Variants in MOCOS observed in about 807,000 individuals in gnomAD.
The protein encoded by MOCOS is molybdenum cofactor sulfurase, also known as human molybdenum cofactor sulfurase.
Under a neutral mutation model 83.6 loss-of-function variants are expected in MOCOS, and 86 were observed. The observed-to-expected ratio is 1.03, with a 90% CI of 0.86 to 1.23. The LOEUF (loss-of-function observed/expected upper bound fraction) is 1.23. Among genes scored for constraint, MOCOS ranks in the 50% most tolerant of loss-of-function variants. The pLI, the probability that MOCOS is intolerant of heterozygous loss-of-function variation, is 0.00. For missense variants in MOCOS, 1,120 were observed against 1,126.9 expected (o/e 0.99, Z 0.09); for synonymous variants, 445 against 434.7 (o/e 1.02, Z -0.29).
At chr18:36,236,298 T>C (rs2091558699) in intron 9 of MOCOS, among the ~76,000 whole-genome samples, 1 of 60,530 alleles carries the variant, frequency 1.7e-5, no homozygotes, top group Non-Finnish European at 3.1e-5. Context: ...CATCTTGAAT[T>C]GATTTTTGTA....
At chr18:36,264,470 A>C (rs953011182) in intron 13 of MOCOS, among the ~76,000 whole-genome samples, 1 of 152,162 alleles carries the variant, frequency 6.6e-6, no homozygotes, top group Non-Finnish European at 1.5e-5. Flanking sequence ...GTGGCGTTAC[A>C]AAAGCCTCGT....
intron 9 of MOCOS, among the ~76,000 whole-genome samples, chr18:36,232,332 A>G (rs1431415264): frequency 6.6e-6 from 1 of 152,136 alleles, no homozygotes; most frequent in East Asian, 1.9e-4. Context: ...TTCCTTTTTA[A>G]TTTTGAACAG....
rs2091414798 is a variant in MOCOS at position 36,201,579 on chromosome 18, T to C, written c.941+1255T>C. Among the ~76,000 whole-genome samples, 3 of 141,834 alleles carry C rather than the reference T, an allele frequency of 2.1e-5. No homozygotes were observed. In the South Asian group the frequency reaches 6.8e-4, roughly 32 times the overall value. The allele number at this position is 141,834 out of a possible 152,430, so 93.0% of individuals were successfully genotyped here. ...CAAGAGATTGAGGCAGGAGAATTGC[T>C]TGAGCCCAGGAGGCAGACGTTGCAA... On this transcript the variant is annotated intron_variant, in intron 4 of 14. Coordinates refer to ENST00000261326, the MANE Select transcript of MOCOS (RefSeq NM_017947.4).
chr18:36,191,033 A>AG (rs1568046522), intron 1 of MOCOS, among the ~76,000 whole-genome samples: 1 of 124,402 alleles, frequency 8.0e-6, no homozygotes, highest in Non-Finnish European at 1.6e-5. Context: ...AAAAAAAAAG[A>AG]AAAAGAAAAA....
chr18:36,208,060 C>G (rs1247964408), intron 6 of MOCOS, among the ~76,000 whole-genome samples: 1 of 152,080 alleles, frequency 6.6e-6, no homozygotes, highest in Non-Finnish European at 1.5e-5. Context: ...AGTCTTTTCC[C>G]CATTGCTTGT....
At chr18:36,261,994 C>T (rs2091664923) in intron 13 of MOCOS, among the ~76,000 whole-genome samples, 1 of 152,064 alleles carries the variant, frequency 6.6e-6, no homozygotes, top group Non-Finnish European at 1.5e-5. Flanking sequence ...GCACCTGTGC[C>T]TCTCCAGGTA....
chr18:36,187,560 G>C lies in MOCOS; in HGVS notation c.21G>C (p.Glu7Asp), dbSNP rs1004209566. ...GGGCCATGGCCGGCGCGGCGGCGGA[G>C]TCAGGGCGGGAGCTGTGGACCTTCG... MAGAAA[E>D]SGRELWTFAG... The change falls in exon 1 of 15, where the codon GAG becomes GAC. Residue 7 changes from glutamate (E) to aspartate (D), a missense_variant. Transcript: ENST00000261326. The C allele has an allele frequency of 1.1e-5, 14 of 1,242,196 alleles. No homozygotes were observed. Among genetic ancestry groups the C allele is most frequent in the Non-Finnish European group, 1.3e-5 (13 of 992,972 alleles). The allele number at this position is 1,242,196 out of a possible 1,614,324, so 76.9% of individuals were successfully genotyped here.
intron 6 of MOCOS, 36 bp from the exon 7 acceptor site, chr18:36,213,330 G>T: frequency 6.6e-7 from 1 of 1,514,230 alleles, no homozygotes; most frequent in South Asian, 1.1e-5. Context: ...ACTGCACGTT[G>T]GTAATGGCTC....
Position 36,198,746 on chromosome 18 carries a change from G to T in MOCOS, c.289G>T (p.Val97Leu), listed in dbSNP as rs150451100. The T allele has an allele frequency of 8.1e-6, 13 of 1,614,050 alleles. No homozygotes were observed. Among genetic ancestry groups the T allele is most frequent in the Admixed American group, 3.3e-5 (2 of 59,998 alleles). Reference sequence around the variant, plus strand: ...GCTCACCCATGACACTGTGGAGCAGGTGCGCTACAGGTAAGCATCAGGGAC... The same window carrying T: ...GCTCACCCATGACACTGTGGAGCAGTTGCGCTACAGGTAAGCATCAGGGAC... ...SKLTHDTVEQ[V>L]RYRILAHFHT... Residue 97 changes from valine to leucine, a missense_variant, in exon 3 of 15, where the codon GTG (valine) becomes TTG (leucine). By Grantham distance (32) the Val-to-Leu change is conservative (BLOSUM62 1). Transcript: ENST00000261326.
At chr18:36,259,603 A>T (rs565695630) in intron 12 of MOCOS, among the ~76,000 whole-genome samples, 3 of 151,516 alleles carry the variant, frequency 2.0e-5, no homozygotes, top group Admixed American at 2.0e-4. Context: ...AGAAGGGGGA[A>T]AAAAGGGAAT....
chr18:36,250,259 G>T (rs1041825138), intron 10 of MOCOS, among the ~76,000 whole-genome samples: 4 of 152,200 alleles, frequency 2.6e-5, no homozygotes, highest in African/African-American at 9.7e-5. Context: ...TCATTAGTGG[G>T]TAGGTCTGTG....
intron 11 of MOCOS, among the ~76,000 whole-genome samples, chr18:36,253,851 C>G (rs1361496505): frequency 1.3e-5 from 2 of 151,902 alleles, no homozygotes; most frequent in Non-Finnish European, 2.9e-5. Flanking sequence ...AGTCAGTAGT[C>G]CTTTACCTGT....
chr18:36,226,807 A>G (rs1172964217), intron 9 of MOCOS, among the ~76,000 whole-genome samples: 2 of 151,188 alleles, frequency 1.3e-5, no homozygotes, highest in South Asian at 2.1e-4. Flanking sequence ...GTTTAATCAC[A>G]TACATAACTC....
At chr18:36,195,484 G>T in intron 2 of MOCOS, 138 bp downstream of exon 2, 1 of 780,178 alleles carries the variant, frequency 1.3e-6, no homozygotes, top group Non-Finnish European at 2.2e-6. Context: ...ATAGGGGCCA[G>T]GCAAGCACCC....
At chr18:36,262,711 C>G (rs2091668290) in intron 13 of MOCOS, among the ~76,000 whole-genome samples, 1 of 152,322 alleles carries the variant, frequency 6.6e-6, no homozygotes, top group Middle Eastern at 3.4e-3. Context: ...GTTGGCCAGA[C>G]TGGTTTCAAC....
chr18:36,206,103 T>C (rs961233038), intron 6 of MOCOS, among the ~76,000 whole-genome samples: 5 of 151,964 alleles, frequency 3.3e-5, no homozygotes, highest in African/African-American at 1.2e-4. Context: ...GACTGGAAGA[T>C]TGGGCATTGG....
At chr18:36,260,498 C>G (rs1040387809) in intron 13 of MOCOS, among the ~76,000 whole-genome samples, 3 of 152,194 alleles carry the variant, frequency 2.0e-5, no homozygotes, top group Admixed American at 6.5e-5. Context: ...GACTGTCATC[C>G]TCCTGAAACT....
chr18:36,187,620 C>T lies in MOCOS; in HGVS notation c.81C>T (p.Ala27=). 2 of 1,251,354 alleles carry T rather than the reference C, an allele frequency of 1.6e-6. No homozygotes were observed. The highest frequency in any genetic ancestry group is 2.0e-6 in the Non-Finnish European group (2 of 997,484). The allele number at this position is 1,251,354 out of a possible 1,614,324, so 77.5% of individuals were successfully genotyped here. A position where few individuals can be genotyped will look rare whatever the true frequency, so the allele number is the denominator to read the frequency against. ...GGGACCCGAGCGCACCGCGGCTAGC[C>T]TACGGCTACGGCCCGGGCAGCCTGC... ...GSRDPSAPRL[A]YGYGPGSLRE... is the part of the protein sequence containing the mutation. The change falls in exon 1 of 15, where the codon GCC becomes GCT. Residue 27 remains alanine (A), a synonymous_variant. Coordinates refer to ENST00000261326, the MANE Select transcript of MOCOS (RefSeq NM_017947.4).
Position 36,231,309 on chromosome 18 carries a change from T to G in MOCOS, c.1960+11092T>G, listed in dbSNP as rs75074688. 9.3e-3 allele frequency among the ~76,000 whole-genome samples: 1,414 copies of G among 152,296 alleles called. 19 individuals are homozygous for G. Among genetic ancestry groups the G allele is most frequent in the African/African-American group, 0.032 (1,333 of 41,574 alleles). ...ATGACTTTCTAATACATTGCTGGGT[T>G]TGGTTTGCTAATATTTTAGTGATGT... On this transcript the variant is annotated intron_variant, in intron 9 of 14. Coordinates refer to ENST00000261326, the MANE Select transcript of MOCOS (RefSeq NM_017947.4).
Sources: gnomAD v4.1 joint callset for allele counts (sites outside exome capture counted in the v4.1 genomes callset) on GRCh38, gnomAD v4.1.1 for gene constraint, MANE v1.5 for transcripts, NCBI Gene and HGNC (gene_info 2026-07-23, HGNC 2026-07-21) for gene names.